The following CCDC85A variants were observed in gnomAD, a reference collection of about 807,000 sequenced individuals.
CCDC85A encodes the protein coiled-coil domain containing 85A.
In CCDC85A, 38 loss-of-function variants were observed where a neutral mutation model predicts 50.2. That is an observed-to-expected ratio of 0.76 (90% CI 0.58 to 0.99). The LOEUF is 0.99. Ranked by LOEUF, CCDC85A falls within the 50% of genes least tolerant of loss-of-function variation. CCDC85A has a pLI of 0.00. For synonymous variants in CCDC85A, 366 were observed against 301.4 expected, an observed-to-expected ratio of 1.21 and a Z score of -2.22; for missense variants, 820 against 742.0, an observed-to-expected ratio of 1.11 and a Z score of -1.22.
At chr2:56,337,181 AT>A (rs1471161206) in intron 2 of CCDC85A, among the ~76,000 whole-genome samples, 1 of 152,206 alleles carries the variant, frequency 6.6e-6, no homozygotes, top group Non-Finnish European at 1.5e-5. Flanking sequence ...ATGTTTCTTA[AT>A]TTGTTTTTCT....
At chr2:56,369,015 A>T (rs1675944926) in intron 3 of CCDC85A, among the ~76,000 whole-genome samples, 1 of 151,910 alleles carries the variant, frequency 6.6e-6, no homozygotes, top group Non-Finnish European at 1.5e-5. Flanking sequence ...TTTTTAGGTA[A>T]TTTTCCCTAC....
intron 2 of CCDC85A, among the ~76,000 whole-genome samples, chr2:56,317,488 A>G (rs544563035): frequency 6.6e-6 from 1 of 152,118 alleles, no homozygotes; most frequent in Non-Finnish European, 1.5e-5. Flanking sequence ...TTGCAAAGCT[A>G]AGTGGAAAAT....
At chr2:56,309,864 G>C (rs574538519) in intron 2 of CCDC85A, among the ~76,000 whole-genome samples, 1 of 152,246 alleles carries the variant, frequency 6.6e-6, no homozygotes, top group Non-Finnish European at 1.5e-5. Flanking sequence ...CTGAATGTCA[G>C]CTTCATGTAC....
At chr2:56,227,456 G>A (rs952896061) in intron 2 of CCDC85A, among the ~76,000 whole-genome samples, 10 of 152,274 alleles carry the variant, frequency 6.6e-5, no homozygotes, top group African/African-American at 2.4e-4. Flanking sequence ...AATGGACCAT[G>A]GCAGCAATAT....
intron 2 of CCDC85A, among the ~76,000 whole-genome samples, chr2:56,299,646 G>A (rs1430023850): frequency 6.6e-6 from 1 of 152,132 alleles, no homozygotes; most frequent in African/African-American, 2.4e-5. Flanking sequence ...GGGCATTCCA[G>A]CTGCTGGAAT....
intron 2 of CCDC85A, among the ~76,000 whole-genome samples, chr2:56,195,883 T>G (rs1030805575): frequency 3.3e-5 from 5 of 152,118 alleles, no homozygotes; most frequent in Non-Finnish European, 7.4e-5. Flanking sequence ...TATGGCAGAC[T>G]GAAACAGAAA....
intron 2 of CCDC85A, among the ~76,000 whole-genome samples, chr2:56,319,899 C>A (rs1673090413): frequency 6.6e-6 from 1 of 152,116 alleles, no homozygotes. Flanking sequence ...TAAAGCACTC[C>A]TCTGCAAATG....
At chr2:56,354,378 T>C (rs574886242) in intron 3 of CCDC85A, among the ~76,000 whole-genome samples, 31 of 152,334 alleles carry the variant, frequency 2.0e-4, no homozygotes, top group Non-Finnish European at 3.7e-4. Flanking sequence ...AAAGAGAAGC[T>C]GCATATAAAT....
intron 2 of CCDC85A, among the ~76,000 whole-genome samples, chr2:56,311,199 A>C (rs543732294): frequency 6.6e-6 from 1 of 152,204 alleles, no homozygotes; most frequent in South Asian, 2.1e-4. Context: ...GGAAATACAC[A>C]CACTTTCATG....
chr2:56,280,892 A>G (rs1232559853), intron 2 of CCDC85A, among the ~76,000 whole-genome samples: 4 of 152,214 alleles, frequency 2.6e-5, no homozygotes, highest in Non-Finnish European at 4.4e-5. Flanking sequence ...GACATTAGAA[A>G]TTAATATTTA....
At chr2:56,197,155 G>A (rs1404518660) in intron 2 of CCDC85A, among the ~76,000 whole-genome samples, 2 of 152,274 alleles carry the variant, frequency 1.3e-5, no homozygotes, top group East Asian at 1.9e-4. Flanking sequence ...GGTATCTCTC[G>A]AGATGGAAAG....
intron 2 of CCDC85A, among the ~76,000 whole-genome samples, chr2:56,289,368 G>T (rs1300708050): frequency 2.0e-5 from 3 of 152,194 alleles, no homozygotes; most frequent in Non-Finnish European, 4.4e-5. Context: ...TGATAGGACT[G>T]TATGAACACT....
chr2:56,270,820 C>T (rs1670665639), intron 2 of CCDC85A, among the ~76,000 whole-genome samples: 1 of 152,126 alleles, frequency 6.6e-6, no homozygotes, highest in Non-Finnish European at 1.5e-5. Context: ...TGTGATGCTT[C>T]GTAGGCAGTT....
chr2:56,335,956 G>A (rs1414974413), intron 2 of CCDC85A, among the ~76,000 whole-genome samples: 5 of 151,992 alleles, frequency 3.3e-5, no homozygotes, highest in African/African-American at 1.2e-4. Flanking sequence ...AGCCCTCATG[G>A]CCTAGTCACC....
At chr2:56,245,042 G>C (rs1418436249) in intron 2 of CCDC85A, among the ~76,000 whole-genome samples, 1 of 152,128 alleles carries the variant, frequency 6.6e-6, no homozygotes, top group Admixed American at 6.6e-5. Context: ...CTTGTAGAGG[G>C]GTGACAGAAG....
intron 2 of CCDC85A, among the ~76,000 whole-genome samples, chr2:56,293,533 G>A (rs1023733246): frequency 6.6e-6 from 1 of 152,064 alleles, no homozygotes; most frequent in Non-Finnish European, 1.5e-5. Flanking sequence ...TCATCAGAGT[G>A]AACAGGCAAC....
At chr2:56,203,285 C>T (rs1284951688) in intron 2 of CCDC85A, among the ~76,000 whole-genome samples, 2 of 152,050 alleles carry the variant, frequency 1.3e-5, no homozygotes, top group Non-Finnish European at 2.9e-5. Flanking sequence ...TGAATAGCTC[C>T]CCCAGTATAG....
At chr2:56,310,236 G>T (rs915488338) in intron 2 of CCDC85A, among the ~76,000 whole-genome samples, 1 of 152,140 alleles carries the variant, frequency 6.6e-6, no homozygotes, top group Non-Finnish European at 1.5e-5. Context: ...TGATTGCTGA[G>T]TGGATGCTGG....
chr2:56,320,107 C>T (rs1460604260), intron 2 of CCDC85A, among the ~76,000 whole-genome samples: 1 of 152,092 alleles, frequency 6.6e-6, no homozygotes, highest in African/African-American at 2.4e-5. Context: ...AAAGACACAA[C>T]ATACCAGAAT....
Sources: gnomAD v4.1 joint callset for allele counts (sites outside exome capture counted in the v4.1 genomes callset) on GRCh38, gnomAD v4.1.1 for gene constraint, MANE v1.5 for transcripts, NCBI Gene and HGNC (gene_info 2026-07-23, HGNC 2026-07-21) for gene names.